Variants in MGAT4A observed in about 807,000 individuals in gnomAD.
The protein encoded by MGAT4A is N-acetylglucosaminyltransferase IVa.
A neutral mutation model predicts 74.1 loss-of-function variants in MGAT4A; 33 were observed. That is an observed-to-expected ratio of 0.45 (90% CI 0.34 to 0.60). The LOEUF is 0.60. Ranked by LOEUF, MGAT4A falls within the 20% of genes least tolerant of loss-of-function variation. The pLI is 0.02. For synonymous variants in MGAT4A, 198 were observed against 210.4 expected (o/e 0.94, Z 0.51); for missense variants, 479 against 628.3 (o/e 0.76, Z 2.54).
intron 2 of MGAT4A, among the ~76,000 whole-genome samples, chr2:98,720,530 C>T (rs1210990790): frequency 6.6e-6 from 1 of 152,210 alleles, no homozygotes; most frequent in Admixed American, 6.5e-5. Context: ...GGTTCTCCAG[C>T]TTGCAGGCGG....
intron 8 of MGAT4A, 137 bp from the exon 9 acceptor site, chr2:98,645,679 A>G (rs1701473930): frequency 1.4e-5 from 10 of 705,096 alleles, no homozygotes; most frequent in Non-Finnish European, 1.9e-5. Flanking sequence ...AAAAATATAA[A>G]GCTAGATATT....
At chr2:98,709,404 G>C (rs1448094546) in intron 2 of MGAT4A, among the ~76,000 whole-genome samples, 1 of 152,110 alleles carries the variant, frequency 6.6e-6, no homozygotes, top group Non-Finnish European at 1.5e-5. Flanking sequence ...AACAGGAATG[G>C]ACAAAGGATA....
rs907879375 is a variant in MGAT4A, at chr2:98,624,504, T to C, written c.*1062A>G. On this transcript the variant is annotated 3_prime_UTR_variant, in exon 16 of 16. Coordinates refer to ENST00000393487, the MANE Select transcript of MGAT4A (RefSeq NM_012214.3). ...ATTTTGGAAAATATACTACTAATAATATATTTCACCAAAAAACAATATTAC... is the reference window on the plus strand; with the variant it reads ...ATTTTGGAAAATATACTACTAATAACATATTTCACCAAAAAACAATATTAC... 6 of 969,578 alleles carry C rather than the reference T, an allele frequency of 6.2e-6. No individual in the cohort carries two copies. The African/African-American group carries it at 8.8e-5, about 14-fold the overall frequency. 60.1% of individuals were successfully genotyped at this position (969,578 alleles called of 1,614,324 possible).
chr2:98,660,416 G>GCACACACA (rs1295134416), intron 5 of MGAT4A, among the ~76,000 whole-genome samples: 5 of 84,824 alleles, frequency 5.9e-5, no homozygotes, highest in Non-Finnish European at 8.9e-5. Flanking sequence ...ACACACGCAC[G>GCACACACA]CGCACACACA....
chr2:98,635,365 G>C, intron 13 of MGAT4A, 77 bp from the exon 14 acceptor site: 1 of 1,043,078 alleles, frequency 9.6e-7, no homozygotes, highest in Non-Finnish European at 1.4e-6. Context: ...TCTTAATATA[G>C]ATGAAGTGGC....
chr2:98,668,952 C>T (rs1701874480), intron 4 of MGAT4A, among the ~76,000 whole-genome samples: 1 of 152,202 alleles, frequency 6.6e-6, no homozygotes, highest in South Asian at 2.1e-4. Flanking sequence ...TGTATTTACC[C>T]AATGCCCGTA....
chr2:98,644,419 A>G (rs1276552343), intron 9 of MGAT4A, among the ~76,000 whole-genome samples: 1 of 152,234 alleles, frequency 6.6e-6, no homozygotes, highest in African/African-American at 2.4e-5. Context: ...GAATCAATAA[A>G]TGCAAAAAAT....
intron 2 of MGAT4A, among the ~76,000 whole-genome samples, chr2:98,702,833 C>T (rs879227591): frequency 1.3e-5 from 2 of 152,118 alleles, no homozygotes; most frequent in Admixed American, 1.3e-4. Context: ...CAGATACAGC[C>T]GGAGAGACAG....
chr2:98,632,229 A>T (rs1004827705), intron 14 of MGAT4A, among the ~76,000 whole-genome samples: 4 of 152,164 alleles, frequency 2.6e-5, no homozygotes, highest in African/African-American at 4.8e-5. Flanking sequence ...GCCCACTGGG[A>T]CCTCAGGAGC....
In MGAT4A at chr2:98,622,064, A is replaced by G; in HGVS notation, c.*3502T>C. 1 of 985,488 alleles carries G rather than the reference A, an allele frequency of 1.0e-6. No individual in the cohort carries two copies. The highest frequency in any genetic ancestry group is 1.2e-6 in the Non-Finnish European group (1 of 829,950). The allele number at this position is 985,488 out of a possible 1,614,324, so 61.0% of individuals were successfully genotyped here. A position where few individuals can be genotyped will look rare whatever the true frequency, so the allele number is the denominator to read the frequency against. On this transcript the variant is annotated 3_prime_UTR_variant, in exon 16 of 16. Transcript: ENST00000393487. ...GTACAGCGCGTGATGTGGAGAATGC[A>G]TGAGACTAAGATAAAGAACTTAAGA...
chr2:98,675,182 C>T lies in MGAT4A; in HGVS notation c.263-7G>A. ...AACAGCTTTAGGGTATTATCTGAAACACAGAAGTATAATTAATATACAAGA... is the reference window on the plus strand; with the variant it reads ...AACAGCTTTAGGGTATTATCTGAAATACAGAAGTATAATTAATATACAAGA... On this transcript the variant is annotated splice_polypyrimidine_tract_variant and splice_region_variant and intron_variant, in intron 3 of 15. Transcript: ENST00000393487. 1.9e-6 allele frequency: 3 copies of T among 1,568,938 alleles called. No individual in the cohort carries two copies. The highest frequency in any genetic ancestry group is 1.2e-5 in the South Asian group (1 of 85,802).
rs766313203 is a variant in MGAT4A at position 98,619,433 on chromosome 2, A to T, written c.*6133T>A. ...AGGAGATTCCTCAGGCAGCTTCTCT[A>T]AGGGATGCTTCCAGAAACATCCCCT... On this transcript the variant is annotated 3_prime_UTR_variant, in exon 16 of 16. Coordinates refer to ENST00000393487, the MANE Select transcript of MGAT4A (RefSeq NM_012214.3). The T allele has an allele frequency of 2.9e-4, 44 of 152,182 alleles. No homozygotes were observed. Among genetic ancestry groups the T allele is most frequent in the Admixed American group, 6.5e-5 (1 of 15,272 alleles). 9.4% of individuals were successfully genotyped at this position (152,182 alleles called of 1,614,324 possible).
intron 1 of MGAT4A, 129 bp downstream of exon 1, chr2:98,730,919 T>G (rs1702845142): frequency 1.4e-5 from 2 of 144,846 alleles, no homozygotes; most frequent in Admixed American, 1.4e-4. Flanking sequence ...TACCAGCAGG[T>G]GGATCTCCCG....
chr2:98,642,127 T>C (rs1701420112), intron 10 of MGAT4A, among the ~76,000 whole-genome samples: 1 of 152,048 alleles, frequency 6.6e-6, no homozygotes, highest in Non-Finnish European at 1.5e-5. Flanking sequence ...TGAAATAGTG[T>C]ATTTTCTTTG....
At chr2:98,730,425 G>T (rs1702832067) in intron 1 of MGAT4A, among the ~76,000 whole-genome samples, 1 of 152,176 alleles carries the variant, frequency 6.6e-6, no homozygotes, top group Non-Finnish European at 1.5e-5. Context: ...GGAAACGGGG[G>T]CTGCTCTTTC....
Position 98,621,712 on chromosome 2 carries a change from T to C in MGAT4A, c.*3854A>G. 1.5e-6 allele frequency: 2 copies of C among 1,297,178 alleles called. No individual in the cohort carries two copies. The highest frequency in any genetic ancestry group is 2.0e-6 in the Non-Finnish European group (2 of 1,021,852). The allele number at this position is 1,297,178 out of a possible 1,614,324, so 80.4% of individuals were successfully genotyped here. ...TACACTGTTATTCACTAGAATAATC[T>C]CTCCAAACGTGCTGTTTCCACATAA... On this transcript the variant is annotated 3_prime_UTR_variant, in exon 16 of 16. Transcript: ENST00000393487.
Position 98,624,225 on chromosome 2 carries a change from G to C in MGAT4A, c.*1341C>G, listed in dbSNP as rs1260802766. 3 of 547,048 alleles carry C rather than the reference G, an allele frequency of 5.5e-6. No individual in the cohort carries two copies. The highest frequency in any genetic ancestry group is 2.9e-4 in the East Asian group (2 of 6,848). The allele number at this position is 547,048 out of a possible 1,614,324, so 33.9% of individuals were successfully genotyped here. Reference sequence around the variant, plus strand: ...GACAGGGTTTCACCGTGTTAGCCAGGATGGTCTTGATCTCCTGACCTCGTG... The same window carrying C: ...GACAGGGTTTCACCGTGTTAGCCAGCATGGTCTTGATCTCCTGACCTCGTG... On this transcript the variant is annotated 3_prime_UTR_variant, in exon 16 of 16. Coordinates refer to ENST00000393487, the MANE Select transcript of MGAT4A (RefSeq NM_012214.3).
chr2:98,660,063 A>G (rs1218864260), intron 5 of MGAT4A, among the ~76,000 whole-genome samples: 3 of 152,232 alleles, frequency 2.0e-5, no homozygotes, highest in African/African-American at 7.2e-5. Flanking sequence ...ATATACAAAC[A>G]TCGGTAGCAT....
intron 2 of MGAT4A, among the ~76,000 whole-genome samples, chr2:98,687,298 T>C (rs1245448798): frequency 6.6e-6 from 1 of 152,202 alleles, no homozygotes. Flanking sequence ...TGTAGAACTA[T>C]GTAGATAGTT....
Sources: gnomAD v4.1 joint callset for allele counts (sites outside exome capture counted in the v4.1 genomes callset) on GRCh38, gnomAD v4.1.1 for gene constraint, MANE v1.5 for transcripts, NCBI Gene and HGNC (gene_info 2026-07-23, HGNC 2026-07-21) for gene names.